Variants in ANO2 observed in about 807,000 individuals in gnomAD.
ANO2 encodes anoctamin 2.
Under a neutral mutation model 124.2 loss-of-function variants are expected in ANO2, and 101 were observed. That is an observed-to-expected ratio of 0.81 (90% CI 0.69 to 0.96). ANO2 has a LOEUF of 0.96. Among genes scored for constraint, ANO2 ranks in the 40% least tolerant of loss-of-function variants. The pLI is 0.00. For missense variants in ANO2, 1,293 were observed against 1,274.5 expected (o/e 1.01, Z -0.22); for synonymous variants, 486 against 482.5 (o/e 1.01, Z -0.09).
chr12:5,784,487 G>A (rs1252549636), intron 10 of ANO2, among the ~76,000 whole-genome samples: 3 of 152,232 alleles, frequency 2.0e-5, no homozygotes, highest in Non-Finnish European at 4.4e-5. Flanking sequence ...GACTGAGCCA[G>A]TTATACCACA....
chr12:5,692,479 T>C (rs1948985565), intron 14 of ANO2, among the ~76,000 whole-genome samples: 1 of 152,202 alleles, frequency 6.6e-6, no homozygotes, highest in Non-Finnish European at 1.5e-5. Context: ...TATATACTCC[T>C]GAATTTGTTG....
rs2136289937 is a variant in ANO2 at position 5,908,852 on chromosome 12, G to A, written c.534+12188C>T. Among the ~76,000 whole-genome samples the A allele has an allele frequency of 6.6e-6, 1 of 152,310 alleles. No individual in the cohort carries two copies. The highest frequency in any genetic ancestry group is 2.4e-5 in the African/African-American group (1 of 41,560). ...AGAATAGGGAAGGCAGGGAATAAGT[G>A]GGGTGCACCATTGCTTGTATTGGTG... On this transcript the variant is annotated intron_variant, in intron 3 of 24. Coordinates refer to ENST00000682330, the MANE Select transcript of ANO2 (RefSeq NM_001364791.2). The surrounding 1 kb of genome is among the most constrained non-coding windows in gnomAD (Gnocchi z 4.7).
chr12:5,720,823 A>G (rs1218312368), intron 14 of ANO2, among the ~76,000 whole-genome samples: 1 of 152,116 alleles, frequency 6.6e-6, no homozygotes, highest in Non-Finnish European at 1.5e-5. Flanking sequence ...CTTATTTGTA[A>G]CTTCCTAATT....
intron 10 of ANO2, among the ~76,000 whole-genome samples, chr12:5,775,364 G>C (rs891331483): frequency 1.3e-5 from 2 of 151,622 alleles, no homozygotes; most frequent in East Asian, 3.9e-4. Context: ...ACATATGCCC[G>C]TATGAGTCAT....
chr12:5,592,600 A>G (rs1436534902), intron 20 of ANO2, among the ~76,000 whole-genome samples: 1 of 152,216 alleles, frequency 6.6e-6, no homozygotes, highest in Non-Finnish European at 1.5e-5. Flanking sequence ...GATTTTAAGT[A>G]GAAAAATGAA....
chr12:5,854,410 A>C (rs564724112), intron 3 of ANO2, among the ~76,000 whole-genome samples: 6 of 151,704 alleles, frequency 4.0e-5, no homozygotes, highest in African/African-American at 1.4e-4. Flanking sequence ...AAAAAAAAAA[A>C]AAAAAAAAAA....
intron 6 of ANO2, among the ~76,000 whole-genome samples, chr12:5,828,052 C>T (rs1183563973): frequency 6.6e-6 from 1 of 152,188 alleles, no homozygotes; most frequent in Non-Finnish European, 1.5e-5. Flanking sequence ...CCCCTTCGCC[C>T]CACCCTGAGA....
intron 3 of ANO2, among the ~76,000 whole-genome samples, chr12:5,874,502 C>A (rs909580357): frequency 3.9e-5 from 6 of 152,224 alleles, no homozygotes; most frequent in African/African-American, 1.2e-4. Context: ...GGCCTCAAAT[C>A]CATACAAGCC....
At chr12:5,692,815 G>A (rs1008889327) in intron 14 of ANO2, among the ~76,000 whole-genome samples, 2 of 152,198 alleles carry the variant, frequency 1.3e-5, no homozygotes, top group African/African-American at 4.8e-5. Flanking sequence ...GTGAGGGAAC[G>A]CTTCCGCCAG....
chr12:5,816,324 A>AT (rs66927312), intron 7 of ANO2, among the ~76,000 whole-genome samples: 70,012 of 150,214 alleles, frequency 0.47, 16,471 homozygotes, highest in African/African-American at 0.52. Flanking sequence ...CACATTCCTC[A>AT]TTTTTTTTTT....
chr12:5,833,764 G>A (rs1954230412), intron 4 of ANO2, among the ~76,000 whole-genome samples: 1 of 97,032 alleles, frequency 1.0e-5, no homozygotes, highest in South Asian at 4.5e-4. Context: ...AGAATCTAAT[G>A]CCTGATGATC....
intron 3 of ANO2, among the ~76,000 whole-genome samples, chr12:5,888,670 C>T (rs1407103512): frequency 6.6e-6 from 1 of 152,104 alleles, no homozygotes; most frequent in African/African-American, 2.4e-5. Context: ...TACAGAGTGC[C>T]GACTGGTGCA....
At chr12:5,643,046 T>C (rs12811402) in intron 15 of ANO2, among the ~76,000 whole-genome samples, 5,824 of 148,032 alleles carry the variant, frequency 0.039, 169 homozygotes, top group Non-Finnish European at 0.057. Flanking sequence ...ATTGTGAACA[T>C]GCAGAAAAAT....
At chr12:5,642,136 T>C (rs112801482) in intron 15 of ANO2, among the ~76,000 whole-genome samples, 3 of 152,300 alleles carry the variant, frequency 2.0e-5, no homozygotes, top group African/African-American at 7.2e-5. Flanking sequence ...CTTTCTTGAC[T>C]TCTGGGACTC....
intron 14 of ANO2, among the ~76,000 whole-genome samples, chr12:5,663,305 C>T (rs753257315): frequency 2.6e-5 from 4 of 152,252 alleles, no homozygotes; most frequent in African/African-American, 4.8e-5. Flanking sequence ...AGAGGAAAAG[C>T]GGAGCCAAAC....
At chr12:5,945,267 CT>C (rs1030596670), upstream of ANO2, 3 of 1,264,612 alleles carry the variant, frequency 2.4e-6, no homozygotes, top group African/African-American at 4.7e-5. Context: ...TCTGGGCAGG[CT>C]TATGCCGCCG....
intron 7 of ANO2, among the ~76,000 whole-genome samples, chr12:5,821,564 T>C (rs1953799343): frequency 1.3e-5 from 2 of 152,326 alleles, no homozygotes; most frequent in East Asian, 3.9e-4. Flanking sequence ...ATAGGGATGC[T>C]GTTTGGAGCC....
intron 19 of ANO2, among the ~76,000 whole-genome samples, chr12:5,601,305 T>C (rs899844578): frequency 1.2e-4 from 18 of 152,134 alleles, no homozygotes; most frequent in Non-Finnish European, 1.9e-4. Context: ...TAGACAAATA[T>C]ATCATTGTTC....
intron 14 of ANO2, among the ~76,000 whole-genome samples, chr12:5,727,617 G>A (rs1950489357): frequency 6.9e-6 from 1 of 145,870 alleles, no homozygotes; most frequent in South Asian, 2.1e-4. Flanking sequence ...AAGCAAGGAA[G>A]TCCATTCTCA....
Sources: allele counts gnomAD v4.1 joint callset (sites outside exome capture counted in the v4.1 genomes callset), GRCh38; gene constraint gnomAD v4.1.1; non-coding constraint Gnocchi (gnomAD v3.1); transcripts MANE v1.5; gene names NCBI Gene and HGNC (gene_info 2026-07-23, HGNC 2026-07-21).